The following CAMSAP3 variants were observed in gnomAD, a reference collection of about 807,000 sequenced individuals.
CAMSAP3 encodes the protein calmodulin-regulated spectrin-associated protein 3.
In CAMSAP3, 34 loss-of-function variants were observed where a neutral mutation model predicts 112.5. The ratio of observed to expected loss-of-function variants is 0.30; its 90% CI spans 0.23 to 0.40. The LOEUF is 0.40. CAMSAP3 is among the 10% of genes least tolerant of loss of function. The probability of loss-of-function intolerance (pLI) is 1.00; values close to 1 mark genes in which losing one functional copy is unlikely to be tolerated. For synonymous variants in CAMSAP3, 868 were observed against 799.8 expected (o/e 1.09, Z -1.44); for missense variants, 1,602 against 1,770.3 (o/e 0.90, Z 1.71).
intron 1 of CAMSAP3, among the ~76,000 whole-genome samples, chr19:7,599,395 T>C (rs151109163): frequency 0.11 from 2,364 of 20,842 alleles, 39 homozygotes; most frequent in Middle Eastern, 0.21. Flanking sequence ...CACCCATCCA[T>C]CCACCCATTC....
At position 7,610,072 on chromosome 19, in the gene CAMSAP3, A is replaced by G. The variant is rs1393676614; in HGVS notation, c.761-404A>G. Among the ~76,000 whole-genome samples, 1 of 152,124 alleles carries G rather than the reference A, an allele frequency of 6.6e-6. No homozygotes were observed. The highest frequency in any genetic ancestry group is 2.4e-5 in the African/African-American group (1 of 41,410). ...AGTGGCTCACGCCTGTAATCCCAGC[A>G]CTTTGGGTGGCTGAGGCGGCCGGAT... On this transcript the variant is annotated intron_variant, in intron 5 of 16. Transcript: ENST00000160298. This position sits in a 1 kb window ranked among gnomAD's most constrained non-coding sequence, Gnocchi z 4.9.
At chr19:7,616,980 G>T in intron 14 of CAMSAP3, among the ~76,000 whole-genome samples, 1 of 118,020 alleles carries the variant, frequency 8.5e-6, no homozygotes, top group Non-Finnish European at 1.6e-5. Flanking sequence ...AGGGAGTCTT[G>T]CTGTGTCGCC....
At position 7,617,549 on chromosome 19, in the gene CAMSAP3, G is replaced by A. The variant is rs1207854833; in HGVS notation, c.3332G>A (p.Arg1111Gln). The A allele has an allele frequency of 2.5e-6, 4 of 1,610,024 alleles. No homozygotes were observed. Among genetic ancestry groups the A allele is most frequent in the Non-Finnish European group, 1.7e-6 (2 of 1,176,422 alleles). Reference protein sequence around the residue: ...PASVPEYTGPRLYKEPSAKSN... With the variant: ...PASVPEYTGPQLYKEPSAKSN... ...CCACTGCCTCACCCTCTAGGTCCACGGCTGTACAAAGAACCCAGCGCCAAG... is the reference window on the plus strand; with the variant it reads ...CCACTGCCTCACCCTCTAGGTCCACAGCTGTACAAAGAACCCAGCGCCAAG... Residue 1111 changes from arginine (R) to glutamine (Q), a missense_variant, in exon 16 of 17, where the codon CGG becomes CAG. This residue lies in a region of CAMSAP3 where 150 missense variants were observed against 207.6 expected (regional missense o/e 0.72). Transcript: ENST00000160298. The surrounding 1 kb of genome is among the most constrained non-coding windows in gnomAD (Gnocchi z 7.5).
In CAMSAP3 at chr19:7,595,904, G is replaced by GGCGGTAGCAGCA. The variant is rs1555756395; in HGVS notation, c.-94_-83dup. On this transcript the variant is annotated 5_prime_UTR_variant, in exon 1 of 17. Transcript: ENST00000160298. Reference sequence around the variant, plus strand: ...CGGCGGCGGCGGCGGCGGCGGCAGCGGCGGTAGCAGCAGCGGGCCCGGCTG... The same window carrying GGCGGTAGCAGCA: ...CGGCGGCGGCGGCGGCGGCGGCAGCGGCGGTAGCAGCAGCGGTAGCAGCAGCGGGCCCGGCTG... The GGCGGTAGCAGCA allele has an allele frequency of 1.5e-5, 8 of 533,668 alleles. No homozygotes were observed. Among genetic ancestry groups the GGCGGTAGCAGCA allele is most frequent in the African/African-American group, 1.0e-4 (5 of 48,146 alleles). 33.1% of individuals were successfully genotyped at this position (533,668 alleles called of 1,614,324 possible). A position where few individuals can be genotyped will look rare whatever the true frequency, so the allele number is the denominator to read the frequency against.
intron 1 of CAMSAP3, among the ~76,000 whole-genome samples, chr19:7,602,935 AG>A (rs2030035178): frequency 8.2e-6 from 1 of 121,428 alleles, no homozygotes; most frequent in Non-Finnish European, 1.7e-5. Flanking sequence ...GGAGAGGTGG[AG>A]GGGGGCTGGG....
chr19:7,605,003 G>C lies in CAMSAP3; in HGVS notation c.149-223G>C, dbSNP rs533020622. Among the ~76,000 whole-genome samples the C allele has an allele frequency of 5.9e-5, 9 of 152,110 alleles. No individual in the cohort carries two copies. In the East Asian group the frequency reaches 1.7e-3, roughly 29 times the overall value. On this transcript the variant is annotated intron_variant, in intron 1 of 16. Transcript: ENST00000160298. ...TGTTCTCTCCCACCTGCTGGGCTTT[G>C]CATCTGCAGGCCCCTCTGCCTACAA...
rs755531467 is a variant in CAMSAP3, at chr19:7,610,812, G to A, written c.994+19G>A. 11 of 1,611,520 alleles carry A rather than the reference G, an allele frequency of 6.8e-6. No individual in the cohort carries two copies. In the Admixed American group the frequency reaches 1.5e-4, roughly 22 times the overall value. On this transcript the variant is annotated intron_variant, in intron 7 of 16. Transcript: ENST00000160298. The surrounding 1 kb of genome is among the most constrained non-coding windows in gnomAD (Gnocchi z 4.9). ...GGTCACGGTGAGGCCCTGGGGGCCT[G>A]GGGGCCGGGTCGGGGGCGGGTGGGA...
Position 7,615,646 on chromosome 19 carries a change from G to A in CAMSAP3, c.3039G>A (p.Arg1013=). Residue 1013 remains arginine, a synonymous_variant, in exon 13 of 17, where the codon CGG becomes CGA. Coordinates refer to ENST00000160298, the MANE Select transcript of CAMSAP3 (RefSeq NM_020902.2). The surrounding 1 kb of genome is among the most constrained non-coding windows in gnomAD (Gnocchi z 6.5). ...AGSGGPGRGG[R]RATRPRSGCC... ...CCGGGGGTCCAGGTCGGGGCGGGCGGAGGGCCACCCGGCCTCGCTCGGGTT... is the reference window on the plus strand; with the variant it reads ...CCGGGGGTCCAGGTCGGGGCGGGCGAAGGGCCACCCGGCCTCGCTCGGGTT... 7.0e-7 allele frequency: 1 copy of A among 1,430,792 alleles called. No individual in the cohort carries two copies. Among genetic ancestry groups the A allele is most frequent in the Non-Finnish European group, 9.1e-7 (1 of 1,096,660 alleles). 88.6% of individuals were successfully genotyped at this position (1,430,792 alleles called of 1,614,324 possible).
At chr19:7,606,135 G>C in intron 2 of CAMSAP3, 136 bp from the exon 3 acceptor site, 6 of 585,212 alleles carry the variant, frequency 1.0e-5, no homozygotes, top group East Asian at 8.1e-5. Flanking sequence ...ATGAACCACT[G>C]GCCCCGCCCC....
At chr19:7,616,918 A>C (rs903229220) in intron 14 of CAMSAP3, among the ~76,000 whole-genome samples, 1 of 135,966 alleles carries the variant, frequency 7.4e-6, no homozygotes, top group African/African-American at 2.8e-5. Flanking sequence ...CCTCCTCTGC[A>C]GTGTGTGTGG....
intron 1 of CAMSAP3, 59 bp downstream of exon 1, chr19:7,596,209 G>C (rs1021539238): frequency 4.7e-6 from 3 of 643,434 alleles, no homozygotes; most frequent in African/African-American, 2.0e-5. Context: ...CAGGTGCTGG[G>C]GGGGGGCGGG....
intron 14 of CAMSAP3, among the ~76,000 whole-genome samples, chr19:7,616,951 T>TTG (rs1555763698): frequency 1.0e-3 from 140 of 137,230 alleles, no homozygotes; most frequent in African/African-American, 3.2e-3. Context: ...TTTTTTTTTT[T>TTG]TTTTTTTGTT....
At position 7,617,357 on chromosome 19, in the gene CAMSAP3, A is replaced by G; in HGVS notation, c.3244A>G (p.Ser1082Gly). 6 of 1,613,990 alleles carry G rather than the reference A, an allele frequency of 3.7e-6. No homozygotes were observed. The highest frequency in any genetic ancestry group is 5.1e-6 in the Non-Finnish European group (6 of 1,179,956). ...CTCCCCGTCAGGTCTCATGTCCCCA[A>G]GCCGCCTGCCTGGAAGCCGCGAACG... The part of the protein sequence containing the change: ...APSPSGLMSP[S>G]RLPGSRERDW... The change falls in exon 15 of 17, where the codon AGC becomes GGC. Residue 1082 changes from serine to glycine, a missense_variant. Physicochemically the swap from Ser to Gly is moderately conservative, Grantham distance 56. This residue lies in a region of CAMSAP3 where 1,100 missense variants were observed against 1,135.7 expected (regional missense o/e 0.97). Coordinates refer to ENST00000160298, the MANE Select transcript of CAMSAP3 (RefSeq NM_020902.2). This position sits in a 1 kb window ranked among gnomAD's most constrained non-coding sequence, Gnocchi z 7.5.
chr19:7,605,122 G>C, intron 1 of CAMSAP3, 104 bp from the exon 2 acceptor site: 1 of 758,594 alleles, frequency 1.3e-6, no homozygotes, highest in South Asian at 2.3e-5. Context: ...CCCTGGTCCA[G>C]ACACACTCTT....
chr19:7,612,604 G>A lies in CAMSAP3; in HGVS notation c.2111G>A (p.Ser704Asn). 2 of 1,531,102 alleles carry A rather than the reference G, an allele frequency of 1.3e-6. No homozygotes were observed. Among genetic ancestry groups the A allele is most frequent in the Middle Eastern group, 3.4e-4 (2 of 5,964 alleles). The allele number at this position is 1,531,102 out of a possible 1,614,324, so 94.8% of individuals were successfully genotyped here. Reference protein sequence around the residue: ...EGLGEYNRAVSKLSAALSSLQ... With the variant: ...EGLGEYNRAVNKLSAALSSLQ... ...CTGGGGGAATACAATCGAGCGGTCA[G>A]CAAGCTGAGTGCCGCCTTGAGCTCG... is the stretch of plus-strand genomic sequence containing the variant. Residue 704 changes from serine (S) to asparagine (N), a missense_variant, in exon 11 of 17, where the codon AGC becomes AAC. Physicochemically the swap from Ser to Asn is conservative, Grantham distance 46 (BLOSUM62 1). Around this residue, in one of 6 missense-constraint regions of CAMSAP3, gnomAD observed 1,100 missense variants for 1,135.7 expected, o/e 0.97. Transcript: ENST00000160298.
chr19:7,614,504 G>C (rs760284122), intron 11 of CAMSAP3: 3 of 151,516 alleles, frequency 2.0e-5, no homozygotes, highest in Admixed American at 6.6e-5. Flanking sequence ...ATGCCACCAC[G>C]CCCAGCTGAT....
intron 11 of CAMSAP3, among the ~76,000 whole-genome samples, chr19:7,614,116 C>T (rs2030648926): frequency 6.6e-6 from 1 of 151,554 alleles, no homozygotes. Context: ...AAAAAATTAG[C>T]TGGCGTGGTG....
intron 11 of CAMSAP3, chr19:7,614,922 C>T: frequency 1.7e-6 from 1 of 575,932 alleles, no homozygotes; most frequent in South Asian, 2.0e-5. Context: ...CTTTTGCTGG[C>T]ACTCACTGCT....
intron 1 of CAMSAP3, among the ~76,000 whole-genome samples, chr19:7,596,869 G>C (rs2024454318): frequency 6.6e-6 from 1 of 152,114 alleles, no homozygotes; most frequent in Admixed American, 6.5e-5. Context: ...CCGGCTGCGG[G>C]GCCTTCTCCC....
Sources: allele counts gnomAD v4.1 joint callset (sites outside exome capture counted in the v4.1 genomes callset), GRCh38; gene constraint gnomAD v4.1.1; regional missense constraint gnomAD v4.1.1; non-coding constraint Gnocchi (gnomAD v3.1); transcripts MANE v1.5; gene names NCBI Gene and HGNC (gene_info 2026-07-23, HGNC 2026-07-21).